Variants in INTS2 observed in about 807,000 individuals in gnomAD.
INTS2 encodes the protein integrator complex subunit 2.
INTS2 carries 57 observed loss-of-function variants against 139.6 expected under a neutral mutation model. That is an observed-to-expected ratio of 0.41 (90% CI 0.33 to 0.51). The LOEUF (loss-of-function observed/expected upper bound fraction) is 0.51. Among genes scored for constraint, INTS2 ranks in the 20% least tolerant of loss-of-function variants. The pLI, the probability that INTS2 is intolerant of heterozygous loss-of-function variation, is 0.28. For missense variants in INTS2, 1,196 were observed against 1,436.7 expected (o/e 0.83, Z 2.71); for synonymous variants, 473 against 493.4 (o/e 0.96, Z 0.55).
At chr17:61,890,367 T>C (rs1179914191) in intron 14 of INTS2, among the ~76,000 whole-genome samples, 1 of 151,966 alleles carries the variant, frequency 6.6e-6, no homozygotes, top group Non-Finnish European at 1.5e-5. Context: ...TCCCAGCACT[T>C]TGGGAGGCTG....
At chr17:61,927,535 C>CGGTGGT in intron 1 of INTS2, 119 bp downstream of exon 1, 1 of 553,480 alleles carries the variant, frequency 1.8e-6, no homozygotes, top group Non-Finnish European at 2.5e-6. Context: ...CCTGCGTGCT[C>CGGTGGT]CTCCGTCTCG....
chr17:61,869,935 C>T lies in INTS2; in HGVS notation c.2832G>A (p.Glu944=). 1 of 1,613,758 alleles carries T rather than the reference C, an allele frequency of 6.2e-7. No individual in the cohort carries two copies. The highest frequency in any genetic ancestry group is 8.5e-7 in the Non-Finnish European group (1 of 1,179,710). The change falls in exon 21 of 25, where the codon GAG becomes GAA. Residue 944 remains glutamate (E), a synonymous_variant. Transcript: ENST00000251334. The surrounding 1 kb of genome is among the most constrained non-coding windows in gnomAD (Gnocchi z 5.4). ...TATCTGGATTGACACCATTTGCTTT[C>T]TCCTCTTCAGTAGGTAGGCAAATCT... ...LLEICLPTEE[E]KANGVNPDSL... is the part of the protein sequence containing the mutation.
At chr17:61,923,827 T>G (rs1441666001) in intron 3 of INTS2, among the ~76,000 whole-genome samples, 1 of 152,042 alleles carries the variant, frequency 6.6e-6, no homozygotes, top group African/African-American at 2.4e-5. Flanking sequence ...TAATTTTGTA[T>G]TTTTTAGTAG....
At chr17:61,902,330 TTCTG>T (rs1027498615) in intron 9 of INTS2, among the ~76,000 whole-genome samples, 1 of 152,206 alleles carries the variant, frequency 6.6e-6, no homozygotes, top group African/African-American at 2.4e-5. Flanking sequence ...TTCTTGGGTG[TTCTG>T]TCTAAAACCT....
Position 61,882,055 on chromosome 17 carries a change from C to A in INTS2, c.2090-884G>T, listed in dbSNP as rs1206016084. Among the ~76,000 whole-genome samples the A allele has an allele frequency of 6.6e-6, 1 of 152,172 alleles. No individual in the cohort carries two copies. The highest frequency in any genetic ancestry group is 1.9e-4 in the East Asian group (1 of 5,192). On this transcript the variant is annotated intron_variant, in intron 16 of 24. Coordinates refer to ENST00000251334, the MANE Select transcript of INTS2 (RefSeq NM_001351695.2). This position sits in a 1 kb window ranked among gnomAD's most constrained non-coding sequence, Gnocchi z 4.7. ...AGAGAACATGCCCTTTCCTCCAACC[C>A]TGTTGAGAATCATCACTATAGATAT...
At chr17:61,880,283 T>C (rs1297997096) in intron 17 of INTS2, among the ~76,000 whole-genome samples, 2 of 151,952 alleles carry the variant, frequency 1.3e-5, no homozygotes, top group Non-Finnish European at 2.9e-5. Flanking sequence ...CCTGACCTCA[T>C]GATCCGCCTG....
chr17:61,879,701 T>G (rs2145910973), intron 17 of INTS2, among the ~76,000 whole-genome samples: 1 of 151,996 alleles, frequency 6.6e-6, no homozygotes, highest in Admixed American at 6.6e-5. Context: ...ATACAAAAAG[T>G]AGCTGGGTGT....
chr17:61,870,279 A>C lies in INTS2; in HGVS notation c.2779-291T>G, dbSNP rs2079078676. Among the ~76,000 whole-genome samples the C allele has an allele frequency of 6.6e-6, 1 of 152,210 alleles. No homozygotes were observed. The highest frequency in any genetic ancestry group is 1.5e-5 in the Non-Finnish European group (1 of 68,022). On this transcript the variant is annotated intron_variant, in intron 20 of 24. Coordinates refer to ENST00000251334, the MANE Select transcript of INTS2 (RefSeq NM_001351695.2). The surrounding 1 kb of genome is among the most constrained non-coding windows in gnomAD (Gnocchi z 4.4). ...TAATGATATCACATATCTCTAAAAT[A>C]GATCCATGGACTCCAGTTTAAGAAT...
At chr17:61,924,850 A>T in intron 3 of INTS2, 111 bp downstream of exon 3, 1 of 1,039,634 alleles carries the variant, frequency 9.6e-7, no homozygotes, top group Non-Finnish European at 1.4e-6. Context: ...GAACAAAATA[A>T]GAGTAGAGGA....
intron 17 of INTS2, among the ~76,000 whole-genome samples, chr17:61,878,314 G>A (rs2079144147): frequency 6.6e-6 from 1 of 152,158 alleles, no homozygotes; most frequent in African/African-American, 2.4e-5. Flanking sequence ...TGTAATCCCA[G>A]CACTTTGGGA....
chr17:61,920,145 G>A (rs1032048344), intron 4 of INTS2, among the ~76,000 whole-genome samples: 8 of 150,380 alleles, frequency 5.3e-5, no homozygotes, highest in African/African-American at 2.0e-4. Flanking sequence ...TTATAGAACT[G>A]GTCTAAAGAG....
chr17:61,870,504 A>G lies in INTS2; in HGVS notation c.2779-516T>C, dbSNP rs184690287. 5.1e-4 allele frequency among the ~76,000 whole-genome samples: 77 copies of G among 152,232 alleles called. No individual in the cohort carries two copies. The highest frequency in any genetic ancestry group is 1.8e-3 in the Admixed American group (28 of 15,286). On this transcript the variant is annotated intron_variant, in intron 20 of 24. Transcript: ENST00000251334. The surrounding 1 kb of genome is among the most constrained non-coding windows in gnomAD (Gnocchi z 4.4). The stretch of plus-strand genomic sequence containing the variant: ...ACCTTACCATCCATTCCACCTGCAC[A>G]ACTCATTGCTCAGTCTACAGGCTTG...
At position 61,921,813 on chromosome 17, in the gene INTS2, G is replaced by A. The variant is rs375753675; in HGVS notation, c.447C>T (p.Asn149=). ...LAIMNKVSES[N]GEFFFKSSEL... ...CAGAAGACTTGAAAAAAAATTCTCC[G>A]TTGGACTCAGACACCTTAAAAAAGA... Residue 149 remains asparagine, a synonymous_variant, in exon 4 of 25, where the codon AAC becomes AAT. Transcript: ENST00000251334. 4.2e-5 allele frequency: 66 copies of A among 1,580,596 alleles called. No individual in the cohort carries two copies. The highest frequency in any genetic ancestry group is 5.7e-5 in the South Asian group (5 of 87,196).
chr17:61,887,185 T>C lies in INTS2; in HGVS notation c.1985-2180A>G, dbSNP rs567337206. On this transcript the variant is annotated intron_variant, in intron 15 of 24. Transcript: ENST00000251334. ...GTTATGAGGGTTTACATGAGTTAAC[T>C]ATAAGACTAAAGTAAGGCCAGGCAA... Among the ~76,000 whole-genome samples, 3 of 152,202 alleles carry C rather than the reference T, an allele frequency of 2.0e-5. No homozygotes were observed. The East Asian group carries it at 5.8e-4, about 29-fold the overall frequency.
intron 16 of INTS2, among the ~76,000 whole-genome samples, chr17:61,883,514 G>A (rs912835213): frequency 6.6e-6 from 1 of 152,158 alleles, no homozygotes; most frequent in Non-Finnish European, 1.5e-5. Context: ...AGCACTTTGG[G>A]AGGCTGACGT....
At chr17:61,925,711 G>A (rs1461531174) in intron 2 of INTS2, among the ~76,000 whole-genome samples, 1 of 151,816 alleles carries the variant, frequency 6.6e-6, no homozygotes. Flanking sequence ...CAGAATCTTT[G>A]GGAATATCTA....
intron 16 of INTS2, among the ~76,000 whole-genome samples, chr17:61,883,472 G>A (rs1164047029): frequency 2.8e-5 from 4 of 144,486 alleles, no homozygotes; most frequent in Non-Finnish European, 4.5e-5. Context: ...AAAAAATTCC[G>A]GCCAGGCACA....
rs1370294951 is a variant in INTS2, at chr17:61,878,020, C to G, written c.2323G>C (p.Ala775Pro). The change falls in exon 18 of 25, where the codon GCC becomes CCC. Residue 775 changes from alanine to proline, a missense_variant. This residue lies in a region of INTS2 where 1,129 missense variants were observed against 1,341.9 expected (regional missense o/e 0.84). Coordinates refer to ENST00000251334, the MANE Select transcript of INTS2 (RefSeq NM_001351695.2). ...QIIEHLTLLS[A>P]SELIPYAEVL... ...TCCGCATATGGTATAAGTTCACTGG[C>G]AGAGAGTAGAGTCAAGTGTTCTATA... 6.2e-7 allele frequency: 1 copy of G among 1,612,762 alleles called. No individual in the cohort carries two copies. Among genetic ancestry groups the G allele is most frequent in the South Asian group, 1.1e-5 (1 of 91,060 alleles).
intron 19 of INTS2, among the ~76,000 whole-genome samples, chr17:61,874,518 C>T (rs2079112827): frequency 1.3e-5 from 2 of 152,204 alleles, no homozygotes; most frequent in South Asian, 4.1e-4. Context: ...ATGAAGCTAA[C>T]ATCACTATTG....
Sources: allele counts gnomAD v4.1 joint callset (sites outside exome capture counted in the v4.1 genomes callset), GRCh38; gene constraint gnomAD v4.1.1; regional missense constraint gnomAD v4.1.1; non-coding constraint Gnocchi (gnomAD v3.1); transcripts MANE v1.5; gene names NCBI Gene and HGNC (gene_info 2026-07-23, HGNC 2026-07-21).